Variants in ERP27 observed in about 807,000 individuals in gnomAD.
ERP27 encodes endoplasmic reticulum resident protein 27.
Under a neutral mutation model 27.7 loss-of-function variants are expected in ERP27, and 23 were observed. That is an observed-to-expected ratio of 0.83 (90% CI 0.60 to 1.18). The LOEUF (loss-of-function observed/expected upper bound fraction) is 1.18. Among genes scored for constraint, ERP27 ranks in the 50% most tolerant of loss-of-function variants. ERP27 has a pLI of 0.00. For missense variants in ERP27, 363 were observed against 327.9 expected, an observed-to-expected ratio of 1.11 and a Z score of -0.83; for synonymous variants, 159 against 118.3, an observed-to-expected ratio of 1.34 and a Z score of -2.23.
Position 14,938,060 on chromosome 12 carries a change from G to A in ERP27, c.95-8C>T. 2 of 1,611,512 alleles carry A rather than the reference G, an allele frequency of 1.2e-6. No homozygotes were observed. The highest frequency in any genetic ancestry group is 1.7e-6 in the Non-Finnish European group (2 of 1,177,722). On this transcript the variant is annotated splice_polypyrimidine_tract_variant and splice_region_variant and intron_variant, in intron 1 of 6. Coordinates refer to ENST00000266397, the MANE Select transcript of ERP27 (RefSeq NM_152321.4). ...GGGCAGCACCAGGACCATCTAGAGAGAGAAGCAGAAGATGTCAGGGTACTG... is the reference window on the plus strand; with the variant it reads ...GGGCAGCACCAGGACCATCTAGAGAAAGAAGCAGAAGATGTCAGGGTACTG...
intron 3 of ERP27, among the ~76,000 whole-genome samples, chr12:14,931,698 C>T (rs1316290338): frequency 1.3e-5 from 2 of 152,080 alleles, no homozygotes; most frequent in East Asian, 3.9e-4. Flanking sequence ...TAAGCAACGC[C>T]AGTGCTCCTG....
intron 3 of ERP27, among the ~76,000 whole-genome samples, chr12:14,923,492 A>AATCAATCT (rs1555098901): frequency 0.016 from 2,205 of 141,212 alleles, 21 homozygotes; most frequent in African/African-American, 0.032. Flanking sequence ...ATCTATAATC[A>AATCAATCT]ATCTATCTAT....
chr12:14,927,882 C>T (rs1193769636), intron 3 of ERP27, among the ~76,000 whole-genome samples: 2 of 152,084 alleles, frequency 1.3e-5, no homozygotes, highest in African/African-American at 2.4e-5. Context: ...TATTTCAGAA[C>T]AAGCTTTCCA....
intron 3 of ERP27, chr12:14,929,068 A>T: frequency 6.5e-7 from 1 of 1,530,334 alleles, no homozygotes; most frequent in Middle Eastern, 1.7e-4. Context: ...ATGCTTCCTG[A>T]CTATTTTTCT....
rs1863370106 is a variant in ERP27 at position 14,914,294 on chromosome 12, A to G, written c.*441T>C. 1 of 156,254 alleles carries G rather than the reference A, an allele frequency of 6.4e-6. No individual in the cohort carries two copies. Among genetic ancestry groups the G allele is most frequent in the Non-Finnish European group, 1.4e-5 (1 of 70,872 alleles). 9.7% of individuals were successfully genotyped at this position (156,254 alleles called of 1,614,324 possible). A position where few individuals can be genotyped will look rare whatever the true frequency, so the allele number is the denominator to read the frequency against. On this transcript the variant is annotated 3_prime_UTR_variant, in exon 7 of 7. Coordinates refer to ENST00000266397, the MANE Select transcript of ERP27 (RefSeq NM_152321.4). ...AGTTTCAACCCTTAGGTAACCTTAA[A>G]AGAGCAGGAACTATGTTGTGTGTAA...
At chr12:14,926,811 A>G (rs1486427744) in intron 3 of ERP27, among the ~76,000 whole-genome samples, 1 of 152,150 alleles carries the variant, frequency 6.6e-6, no homozygotes, top group East Asian at 1.9e-4. Flanking sequence ...TATTTTTGTT[A>G]TATCTTCAAT....
chr12:14,930,312 A>G (rs889800805), intron 3 of ERP27, among the ~76,000 whole-genome samples: 1 of 152,200 alleles, frequency 6.6e-6, no homozygotes, highest in Non-Finnish European at 1.5e-5. Context: ...AATTTCTTAT[A>G]ATAGTTACCC....
chr12:14,937,493 G>A (rs1863789517), intron 2 of ERP27, among the ~76,000 whole-genome samples: 1 of 152,158 alleles, frequency 6.6e-6, no homozygotes, highest in Admixed American at 6.5e-5. Flanking sequence ...ACCATATTTG[G>A]GGGAAAGGCT....
intron 3 of ERP27, among the ~76,000 whole-genome samples, chr12:14,932,659 C>G (rs1047976475): frequency 2.0e-5 from 3 of 152,150 alleles, no homozygotes; most frequent in African/African-American, 7.2e-5. Context: ...AAATTTCTAT[C>G]TTAAATACAT....
At position 14,938,056 on chromosome 12, in the gene ERP27, G is replaced by A. The variant is rs1313900657; in HGVS notation, c.95-4C>T. 1 of 1,612,540 alleles carries A rather than the reference G, an allele frequency of 6.2e-7. No individual in the cohort carries two copies. Among genetic ancestry groups the A allele is most frequent in the African/African-American group, 1.3e-5 (1 of 75,016 alleles). ...TCCTGGGCAGCACCAGGACCATCTA[G>A]AGAGAGAAGCAGAAGATGTCAGGGT... On this transcript the variant is annotated splice_polypyrimidine_tract_variant and splice_region_variant and intron_variant, in intron 1 of 6. Transcript: ENST00000266397.
At chr12:14,928,390 G>T (rs1863641821) in intron 3 of ERP27, among the ~76,000 whole-genome samples, 3 of 152,188 alleles carry the variant, frequency 2.0e-5, no homozygotes, top group Non-Finnish European at 4.4e-5. Context: ...TTCTTCAAGA[G>T]GGTCTCCCAT....
At chr12:14,923,648 T>A (rs1457357327) in intron 3 of ERP27, among the ~76,000 whole-genome samples, 1 of 152,086 alleles carries the variant, frequency 6.6e-6, no homozygotes, top group African/African-American at 2.4e-5. Flanking sequence ...CTGCTATTAT[T>A]GTTATTGACA....
intron 6 of ERP27, 137 bp downstream of exon 6, chr12:14,915,352 C>G: frequency 1.3e-6 from 1 of 758,482 alleles, no homozygotes; most frequent in Non-Finnish European, 2.2e-6. Context: ...GACATTCCTC[C>G]TATCTATCTG....
intron 3 of ERP27, among the ~76,000 whole-genome samples, chr12:14,924,186 G>C (rs1386323546): frequency 1.3e-5 from 2 of 152,092 alleles, no homozygotes; most frequent in East Asian, 3.9e-4. Flanking sequence ...GTCTATCTGT[G>C]CTCCTACACA....
chr12:14,937,762 T>A (rs780450055), intron 2 of ERP27, among the ~76,000 whole-genome samples, 190 bp downstream of exon 2: 2 of 152,234 alleles, frequency 1.3e-5, no homozygotes, highest in African/African-American at 2.4e-5. Context: ...ATGAGAAAGA[T>A]ATAATTTAGA....
At chr12:14,937,762 T>C (rs780450055) in intron 2 of ERP27, among the ~76,000 whole-genome samples, 190 bp downstream of exon 2, 11 of 152,234 alleles carry the variant, frequency 7.2e-5, no homozygotes, top group African/African-American at 1.9e-4. Context: ...ATGAGAAAGA[T>C]ATAATTTAGA....
intron 4 of ERP27, among the ~76,000 whole-genome samples, chr12:14,919,555 C>G (rs1863468048): frequency 6.6e-6 from 1 of 152,142 alleles, no homozygotes; most frequent in Non-Finnish European, 1.5e-5. Context: ...GAGTCACCAA[C>G]TCCACAGAGA....
At position 14,938,426 on chromosome 12, in the gene ERP27, T is replaced by A; in HGVS notation, c.83A>T (p.Glu28Val). The change falls in exon 1 of 7, where the codon GAG becomes GTG. Residue 28 changes from glutamate to valine, a missense_variant. Coordinates refer to ENST00000266397, the MANE Select transcript of ERP27 (RefSeq NM_152321.4). ...ELAAEVAAEV[E>V]KSSDGPGAAQ... Reference sequence around the variant, plus strand: ...CATTTTTCTTTTACCTGAGGATTTCTCAACTTCTGCAGCAACTTCTGCAGC... The same window carrying A: ...CATTTTTCTTTTACCTGAGGATTTCACAACTTCTGCAGCAACTTCTGCAGC... 1 of 1,614,164 alleles carries A rather than the reference T, an allele frequency of 6.2e-7. No homozygotes were observed. Among genetic ancestry groups the A allele is most frequent in the South Asian group, 1.1e-5 (1 of 91,084 alleles).
chr12:14,927,227 A>G (rs1176801945), intron 3 of ERP27, among the ~76,000 whole-genome samples: 2 of 151,828 alleles, frequency 1.3e-5, no homozygotes, highest in African/African-American at 4.8e-5. Context: ...TAAGTTTTAG[A>G]TGTACTATGG....
Sources: gnomAD v4.1 joint callset for allele counts (sites outside exome capture counted in the v4.1 genomes callset) on GRCh38, gnomAD v4.1.1 for gene constraint, MANE v1.5 for transcripts, NCBI Gene and HGNC (gene_info 2026-07-23, HGNC 2026-07-21) for gene names.